Variants in ELN observed in about 807,000 individuals in gnomAD.
The protein encoded by ELN is tropoelastin.
A neutral mutation model predicts 105.8 loss-of-function variants in ELN; 65 were observed. The ratio of observed to expected loss-of-function variants is 0.61; its 90% confidence interval spans 0.50 to 0.75. The LOEUF is 0.75. Ranked by LOEUF, ELN falls within the 30% of genes least tolerant of loss-of-function variation. The pLI, the probability that ELN is intolerant of heterozygous loss-of-function variation, is 0.00. For synonymous variants in ELN, 368 were observed against 389.2 expected, an observed-to-expected ratio of 0.95 and a Z score of 0.64; for missense variants, 882 against 969.4, an observed-to-expected ratio of 0.91 and a Z score of 1.20.
chr7:74,055,847 C>T (rs1795113164), intron 19 of ELN, among the ~76,000 whole-genome samples: 1 of 150,950 alleles, frequency 6.6e-6, no homozygotes, highest in African/African-American at 2.4e-5. Context: ...AGTGCAGTGG[C>T]GTGATCTCCG....
chr7:74,066,217 C>A (rs561191522), intron 31 of ELN, among the ~76,000 whole-genome samples: 1 of 152,190 alleles, frequency 6.6e-6, no homozygotes, highest in Non-Finnish European at 1.5e-5. Flanking sequence ...CCATGAGGTG[C>A]CACACCTGGT....
intron 14 of ELN, 76 bp from the exon 15 acceptor site, chr7:74,048,426 TG>T: frequency 6.2e-7 from 1 of 1,609,192 alleles, no homozygotes; most frequent in African/African-American, 1.3e-5. Flanking sequence ...TTGGCTCTCT[TG>T]GGGCTGGGAA....
intron 22 of ELN, chr7:74,059,527 CA>C: frequency 8.2e-6 from 3 of 366,096 alleles, no homozygotes; most frequent in Middle Eastern, 9.3e-4. Flanking sequence ...ACTAAAAATA[CA>C]AAAAAATTAG....
intron 13 of ELN, 101 bp downstream of exon 13, chr7:74,047,817 G>C: frequency 6.5e-7 from 1 of 1,540,160 alleles, no homozygotes; most frequent in Admixed American, 1.7e-5. Flanking sequence ...AGAGCACCTC[G>C]CTGGGGCAGG....
chr7:74,036,703 C>A, intron 3 of ELN, 119 bp downstream of exon 3: 1 of 1,425,964 alleles, frequency 7.0e-7, no homozygotes, highest in Non-Finnish European at 9.8e-7. Flanking sequence ...CCTCATTTCA[C>A]AGACAGCATC....
intron 14 of ELN, 33 bp downstream of exon 14, chr7:74,048,234 G>A (rs1554673756): frequency 1.9e-6 from 3 of 1,613,746 alleles, no homozygotes; most frequent in Admixed American, 3.3e-5. Context: ...TCCAGCCAAG[G>A]GAGCACTGAT....
chr7:74,063,695 G>A lies in ELN; in HGVS notation c.1993G>A (p.Gly665Ser). The A allele has an allele frequency of 3.7e-6, 6 of 1,614,196 alleles. No homozygotes were observed. Among genetic ancestry groups the A allele is most frequent in the Non-Finnish European group, 5.1e-6 (6 of 1,180,032 alleles). The change falls in exon 29 of 33, where the codon GGT becomes AGT. Residue 665 changes from glycine to serine, a missense_variant and splice_region_variant. Transcript: ENST00000252034. The surrounding 1 kb of genome is among the most constrained non-coding windows in gnomAD (Gnocchi z 4.1). Reference sequence around the variant, plus strand: ...AGTTCCAGGTGTTGGGGGCCTTGGAGGTGAGAGTTGTTCTGAAATCAGTGA... The same window carrying A: ...AGTTCCAGGTGTTGGGGGCCTTGGAAGTGAGAGTTGTTCTGAAATCAGTGA... ...LGVPGVGGLG[G>S]IPPAAAAKAA...
rs1797236291 is a variant in ELN at position 74,063,689 on chromosome 7, C to T, written c.1987C>T (p.Leu663Phe). 6.2e-7 allele frequency: 1 copy of T among 1,613,990 alleles called. No homozygotes were observed. Among genetic ancestry groups the T allele is most frequent in the Non-Finnish European group, 8.5e-7 (1 of 1,180,024 alleles). ...GGLGVPGVGG[L>F]GGIPPAAAAK... ...GCTTGGAGTTCCAGGTGTTGGGGGC[C>T]TTGGAGGTGAGAGTTGTTCTGAAAT... The change falls in exon 29 of 33, where the codon CTT (leucine) becomes TTT (phenylalanine). Residue 663 changes from leucine (L) to phenylalanine (F), a missense_variant. Leu to Phe is a conservative substitution (Grantham distance 22, BLOSUM62 0). Transcript: ENST00000252034. This position sits in a 1 kb window ranked among gnomAD's most constrained non-coding sequence, Gnocchi z 4.1.
At chr7:74,031,641 G>A (rs1486787770) in intron 1 of ELN, among the ~76,000 whole-genome samples, 1 of 152,092 alleles carries the variant, frequency 6.6e-6, no homozygotes, top group Non-Finnish European at 1.5e-5. Flanking sequence ...ATGGGGCCAG[G>A]TGCAGTGACT....
At chr7:74,054,890 C>T in intron 19 of ELN, 121 bp downstream of exon 19, 2 of 1,050,518 alleles carry the variant, frequency 1.9e-6, no homozygotes, top group Non-Finnish European at 2.9e-6. Flanking sequence ...CCGAGCAAGT[C>T]ACCAGCAGGC....
intron 15 of ELN, 111 bp downstream of exon 15, chr7:74,048,667 CA>C: frequency 2.3e-6 from 3 of 1,290,484 alleles, no homozygotes; most frequent in Admixed American, 4.0e-5. Flanking sequence ...CCCATTTACT[CA>C]AAATTTTCAA....
chr7:74,060,595 C>T, intron 25 of ELN, 94 bp downstream of exon 25: 1 of 1,596,364 alleles, frequency 6.3e-7, no homozygotes, highest in Middle Eastern at 1.7e-4. Context: ...CCCTCATCAC[C>T]CAGGGGTGCA....
In ELN at chr7:74,060,283, T is replaced by C. The variant is rs1382694296; in HGVS notation, c.1622-93T>C. 1.9e-6 allele frequency: 3 copies of C among 1,613,494 alleles called. No individual in the cohort carries two copies. In the Admixed American group the frequency reaches 5.0e-5, roughly 27 times the overall value. On this transcript the variant is annotated intron_variant, in intron 24 of 32. Transcript: ENST00000252034. ...AGGCCGCTGCTTGGATCTGGGCCCC[T>C]TCCTCTGGGACTAGGCTCAGCTCCC...
At chr7:74,044,199 C>A in intron 9 of ELN, among the ~76,000 whole-genome samples, 1 of 152,194 alleles carries the variant, frequency 6.6e-6, no homozygotes, top group Middle Eastern at 3.4e-3. Context: ...TACGATGGTG[C>A]CACTGCACAG....
At chr7:74,052,897 G>T in intron 17 of ELN, 1 of 533,610 alleles carries the variant, frequency 1.9e-6, no homozygotes, top group Non-Finnish European at 3.3e-6. Flanking sequence ...GAGAAAGAAA[G>T]AAAGAAAGAG....
At chr7:74,036,767 C>T (rs369375325) in intron 3 of ELN, among the ~76,000 whole-genome samples, 183 bp downstream of exon 3, 95 of 152,314 alleles carry the variant, frequency 6.2e-4, no homozygotes, top group African/African-American at 2.3e-3. Flanking sequence ...CCTTCCCAGT[C>T]CCTCCCCTAG....
chr7:74,069,474 C>G lies in ELN; in HGVS notation c.*774C>G. ...CCTGTGCCCTGCCTCCACCCCCATC[C>G]TACACTCCCCCAGGGCGTGCGGGGC... is the stretch of plus-strand genomic sequence containing the variant. On this transcript the variant is annotated 3_prime_UTR_variant, in exon 33 of 33. Transcript: ENST00000252034. 1 of 235,578 alleles carries G rather than the reference C, an allele frequency of 4.2e-6. No homozygotes were observed. The highest frequency in any genetic ancestry group is 8.4e-6 in the Non-Finnish European group (1 of 119,476). The allele number at this position is 235,578 out of a possible 1,614,324, so 14.6% of individuals were successfully genotyped here.
At chr7:74,048,003 T>G in intron 13 of ELN, 139 bp from the exon 14 acceptor site, 1 of 1,053,484 alleles carries the variant, frequency 9.5e-7, no homozygotes, top group African/African-American at 1.6e-5. Context: ...ATACATGTGT[T>G]TGTATTTGTT....
chr7:74,045,684 C>T (rs555978434), intron 10 of ELN: 35 of 347,546 alleles, frequency 1.0e-4, no homozygotes, highest in African/African-American at 4.9e-4. Context: ...TCAAGGTTGT[C>T]GTGAGCTATG....
Sources: gnomAD v4.1 joint callset for allele counts (sites outside exome capture counted in the v4.1 genomes callset) on GRCh38, gnomAD v4.1.1 for gene constraint, Gnocchi (gnomAD v3.1) non-coding constraint, MANE v1.5 for transcripts, NCBI Gene and HGNC (gene_info 2026-07-23, HGNC 2026-07-21) for gene names.